The following NELL1 variants were observed in gnomAD, a reference collection of about 807,000 sequenced individuals.
NELL1 encodes protein kinase C-binding protein NELL1.
A neutral mutation model predicts 107.4 loss-of-function variants in NELL1; 76 were observed. The observed-to-expected ratio is 0.71, with a 90% CI of 0.59 to 0.86. NELL1 has a LOEUF of 0.86. NELL1 is among the 40% of genes least tolerant of loss of function. The pLI is 0.00. For synonymous variants in NELL1, 353 were observed against 341.2 expected (o/e 1.03, Z -0.38); for missense variants, 1,024 against 1,005.5 (o/e 1.02, Z -0.25).
intron 14 of NELL1, among the ~76,000 whole-genome samples, chr11:21,342,997 C>T (rs1400683143): frequency 6.6e-6 from 1 of 152,104 alleles, no homozygotes; most frequent in Non-Finnish European, 1.5e-5. Context: ...ATGGAAAGCT[C>T]ACCACAACCA....
chr11:20,814,282 C>T (rs982181410), intron 3 of NELL1, among the ~76,000 whole-genome samples: 1 of 152,228 alleles, frequency 6.6e-6, no homozygotes, highest in Non-Finnish European at 1.5e-5. Context: ...GCGTGAGCCA[C>T]CACACCCAGC....
At chr11:20,831,083 C>T (rs1208680711) in intron 3 of NELL1, among the ~76,000 whole-genome samples, 1 of 152,230 alleles carries the variant, frequency 6.6e-6, no homozygotes, top group African/African-American at 2.4e-5. Flanking sequence ...CTGTTTCAAA[C>T]TCCACTGAAC....
chr11:21,046,999 G>A (rs1223674394), intron 12 of NELL1, among the ~76,000 whole-genome samples: 1 of 151,810 alleles, frequency 6.6e-6, no homozygotes, highest in African/African-American at 2.4e-5. Context: ...TTACAGGTGT[G>A]AGCCCCAGCA....
chr11:20,701,389 T>A lies in NELL1; in HGVS notation c.184+23329T>A, dbSNP rs188659628. Among the ~76,000 whole-genome samples the A allele has an allele frequency of 1.7e-3, 259 of 151,932 alleles. 3 individuals are homozygous for A. Among genetic ancestry groups the A allele is most frequent in the African/African-American group, 5.8e-3 (241 of 41,254 alleles). The stretch of plus-strand genomic sequence containing the variant: ...TTTTCTTGTAAGTTTGTTTAAGTTC[T>A]TTGTAGATTCTGGATATTAGCCCTT... On this transcript the variant is annotated intron_variant, in intron 2 of 19. Transcript: ENST00000357134.
chr11:20,779,045 C>T (rs895316833), intron 2 of NELL1, among the ~76,000 whole-genome samples: 5 of 152,120 alleles, frequency 3.3e-5, no homozygotes, highest in African/African-American at 7.2e-5. Context: ...GGAGGGGGCT[C>T]AGCAAATGGG....
rs1176734990 is a variant in NELL1, at chr11:20,748,923, T to G, written c.185-34757T>G. Among the ~76,000 whole-genome samples, 607 of 143,278 alleles carry G rather than the reference T, an allele frequency of 4.2e-3. 9 individuals are homozygous for G. Among genetic ancestry groups the G allele is most frequent in the African/African-American group, 0.017 (577 of 34,786 alleles). The allele number at this position is 143,278 out of a possible 152,430, so 94.0% of individuals were successfully genotyped here. A position where few individuals can be genotyped will look rare whatever the true frequency, so the allele number is the denominator to read the frequency against. Reference sequence around the variant, plus strand: ...ATCCACCCAGCCACCCATCCATCCATCCATCCATCCATCCATCCATCCATC... The same window carrying G: ...ATCCACCCAGCCACCCATCCATCCAGCCATCCATCCATCCATCCATCCATC... On this transcript the variant is annotated intron_variant, in intron 2 of 19. Coordinates refer to ENST00000357134, the MANE Select transcript of NELL1 (RefSeq NM_006157.5).
intron 13 of NELL1, among the ~76,000 whole-genome samples, chr11:21,212,071 C>T (rs1037834808): frequency 5.3e-5 from 8 of 152,040 alleles, no homozygotes; most frequent in Non-Finnish European, 1.2e-4. Context: ...AGTTATCCAC[C>T]CACCTTGGCC....
rs775313078 is a variant in NELL1 at position 20,669,694 on chromosome 11, C to A, written c.-30C>A. The A allele has an allele frequency of 5.0e-6, 8 of 1,597,716 alleles. No individual in the cohort carries two copies. Among genetic ancestry groups the A allele is most frequent in the Non-Finnish European group, 6.9e-6 (8 of 1,165,830 alleles). On this transcript the variant is annotated 5_prime_UTR_variant, in exon 1 of 20. Transcript: ENST00000357134. This position sits in a 1 kb window ranked among gnomAD's most constrained non-coding sequence, Gnocchi z 4.4. ...CATTTGCTTCCACCTAGCTTCGGTG[C>A]CCCCTGCTAGGCGGGGACCCTCGAG...
chr11:20,767,717 C>A (rs964105459), intron 2 of NELL1, among the ~76,000 whole-genome samples: 2 of 139,296 alleles, frequency 1.4e-5, no homozygotes, highest in Non-Finnish European at 1.5e-5. Context: ...AGCAATATAT[C>A]ATATTCATTC....
At position 20,713,990 on chromosome 11, in the gene NELL1, C is replaced by G. The variant is rs181629745; in HGVS notation, c.184+35930C>G. On this transcript the variant is annotated intron_variant, in intron 2 of 19. Coordinates refer to ENST00000357134, the MANE Select transcript of NELL1 (RefSeq NM_006157.5). Reference sequence around the variant, plus strand: ...GGAGGCCGGTTTTTCCCCTCTCACCCTTCGGGAACTCAGTTTTTTGTCTGT... The same window carrying G: ...GGAGGCCGGTTTTTCCCCTCTCACCGTTCGGGAACTCAGTTTTTTGTCTGT... Among the ~76,000 whole-genome samples, 379 of 152,194 alleles carry G rather than the reference C, an allele frequency of 2.5e-3. 2 individuals carry two copies. The highest frequency in any genetic ancestry group is 8.6e-3 in the African/African-American group (358 of 41,510).
intron 13 of NELL1, among the ~76,000 whole-genome samples, chr11:21,151,306 G>C (rs1856111862): frequency 1.3e-5 from 2 of 152,110 alleles, no homozygotes; most frequent in Admixed American, 1.3e-4. Context: ...TTGAAAACCA[G>C]GATCCTTTAC....
intron 14 of NELL1, among the ~76,000 whole-genome samples, chr11:21,331,341 T>C (rs1850268712): frequency 6.6e-6 from 1 of 152,076 alleles, no homozygotes; most frequent in Admixed American, 6.6e-5. Flanking sequence ...CAGTGTCCCC[T>C]TCCCTAAAAC....
chr11:21,274,127 G>A (rs1460853886), intron 14 of NELL1, among the ~76,000 whole-genome samples: 5 of 152,122 alleles, frequency 3.3e-5, no homozygotes, highest in African/African-American at 9.7e-5. Context: ...AAAGAGTCCA[G>A]ACCCATCAGT....
At chr11:21,528,575 G>A (rs138480422) in intron 15 of NELL1, among the ~76,000 whole-genome samples, 1,832 of 129,592 alleles carry the variant, frequency 0.014, 46 homozygotes, top group African/African-American at 0.05. Flanking sequence ...ACCAAATGCA[G>A]CTACCTAATC....
At chr11:20,692,610 T>A (rs1202079288) in intron 2 of NELL1, among the ~76,000 whole-genome samples, 2 of 151,304 alleles carry the variant, frequency 1.3e-5, no homozygotes, top group African/African-American at 2.4e-5. Context: ...GTGAGTTTCT[T>A]AATCCTGAGT....
At chr11:20,813,781 A>C (rs1187804973) in intron 3 of NELL1, among the ~76,000 whole-genome samples, 1 of 152,126 alleles carries the variant, frequency 6.6e-6, no homozygotes, top group Non-Finnish European at 1.5e-5. Context: ...TGTACCCTTA[A>C]GTGGTATCAG....
intron 14 of NELL1, among the ~76,000 whole-genome samples, chr11:21,319,131 A>ATGTG (rs35208989): frequency 0.021 from 3,119 of 146,694 alleles, 33 homozygotes; most frequent in Middle Eastern, 0.025. Flanking sequence ...TCTCAGCAAT[A>ATGTG]TGTGTGTGTG....
chr11:20,856,023 G>GT (rs1848876603), intron 4 of NELL1, among the ~76,000 whole-genome samples: 1 of 152,202 alleles, frequency 6.6e-6, no homozygotes, highest in Non-Finnish European at 1.5e-5. Context: ...TTAAACTAAT[G>GT]TTATAAATAA....
chr11:20,987,154 A>G (rs1250322081), intron 12 of NELL1, among the ~76,000 whole-genome samples: 2 of 152,152 alleles, frequency 1.3e-5, no homozygotes, highest in Non-Finnish European at 2.9e-5. Context: ...AAAAGGCCAA[A>G]GCCATTTTAA....
Sources: allele counts gnomAD v4.1 joint callset (sites outside exome capture counted in the v4.1 genomes callset), GRCh38; gene constraint gnomAD v4.1.1; non-coding constraint Gnocchi (gnomAD v3.1); transcripts MANE v1.5; gene names NCBI Gene and HGNC (gene_info 2026-07-23, HGNC 2026-07-21).